The following EPC1 variants were observed in gnomAD, a reference collection of about 807,000 sequenced individuals.
EPC1 encodes enhancer of polycomb 1, also known as enhancer of polycomb homolog 1.
A neutral mutation model predicts 98.4 loss-of-function variants in EPC1; 12 were observed. That is an observed-to-expected ratio of 0.12 (90% CI 0.08 to 0.20). The LOEUF (loss-of-function observed/expected upper bound fraction) is 0.20, where lower values mean the gene tolerates loss of function less well. Ranked by LOEUF, EPC1 falls within the 10% of genes least tolerant of loss-of-function variation. The pLI, the probability that EPC1 is intolerant of heterozygous loss-of-function variation, is 1.00. For synonymous variants in EPC1, 357 were observed against 363.9 expected (o/e 0.98, Z 0.21); for missense variants, 729 against 990.5 (o/e 0.74, Z 3.54).
chr10:32,309,794 C>T (rs1836100257), intron 1 of EPC1, among the ~76,000 whole-genome samples: 1 of 149,520 alleles, frequency 6.7e-6, no homozygotes, highest in South Asian at 2.2e-4. Flanking sequence ...TATCAGGTTT[C>T]TCATTTATTT....
chr10:32,270,129 C>G (rs1011631534), intron 13 of EPC1, among the ~76,000 whole-genome samples: 1 of 152,100 alleles, frequency 6.6e-6, no homozygotes, highest in African/African-American at 2.4e-5. Flanking sequence ...CCTCTTTGCC[C>G]GAAGACTAAC....
At chr10:32,316,211 G>C (rs1271399337) in intron 1 of EPC1, among the ~76,000 whole-genome samples, 3 of 152,160 alleles carry the variant, frequency 2.0e-5, no homozygotes, top group Non-Finnish European at 4.4e-5. Context: ...CACATGATGG[G>C]GAGGATATGG....
chr10:32,325,543 A>G (rs1157692278), intron 1 of EPC1, among the ~76,000 whole-genome samples: 1 of 152,240 alleles, frequency 6.6e-6, no homozygotes, highest in Non-Finnish European at 1.5e-5. Context: ...TGAGGCTAAT[A>G]TAAACATCAC....
At chr10:32,273,729 G>A (rs191910616) in intron 10 of EPC1, among the ~76,000 whole-genome samples, 25 of 151,964 alleles carry the variant, frequency 1.6e-4, no homozygotes, top group Non-Finnish European at 2.6e-4. Context: ...ATCCCTAATG[G>A]CTCTGTGTAT....
Position 32,267,899 on chromosome 10 carries a change from T to G in EPC1, c.*1164A>C, listed in dbSNP as rs1001541012. The G allele has an allele frequency of 1.3e-5, 2 of 152,216 alleles. No individual in the cohort carries two copies. Among genetic ancestry groups the G allele is most frequent in the African/African-American group, 4.8e-5 (2 of 41,454 alleles). The allele number at this position is 152,216 out of a possible 1,614,324, so 9.4% of individuals were successfully genotyped here. On this transcript the variant is annotated 3_prime_UTR_variant, in exon 14 of 14. Coordinates refer to ENST00000319778, the MANE Select transcript of EPC1 (RefSeq NM_001272004.3). Reference sequence around the variant, plus strand: ...CTGACAAAGCACTAGTAGTAGTCTGTTAAGTACCATTCTCTTCACAGAAGA... The same window carrying G: ...CTGACAAAGCACTAGTAGTAGTCTGGTAAGTACCATTCTCTTCACAGAAGA...
intron 1 of EPC1, among the ~76,000 whole-genome samples, chr10:32,343,946 T>TA (rs894930011): frequency 4.9e-4 from 75 of 152,302 alleles, no homozygotes; most frequent in African/African-American, 1.7e-3. Flanking sequence ...AGGTGGTGTA[T>TA]AAAAAAACTG....
intron 1 of EPC1, among the ~76,000 whole-genome samples, chr10:32,337,989 C>T (rs764131741): frequency 6.6e-6 from 1 of 152,188 alleles, no homozygotes; most frequent in Non-Finnish European, 1.5e-5. Flanking sequence ...CTCTGAGTCC[C>T]AGAGCACAGC....
At chr10:32,345,306 T>C (rs1324934393) in intron 1 of EPC1, 1 of 985,304 alleles carries the variant, frequency 1.0e-6, no homozygotes, top group Non-Finnish European at 1.2e-6. Flanking sequence ...AAGTTAGATT[T>C]AAGACACTAC....
chr10:32,307,603 T>G (rs1328009350), intron 1 of EPC1, among the ~76,000 whole-genome samples: 1 of 152,214 alleles, frequency 6.6e-6, no homozygotes, highest in African/African-American at 2.4e-5. Context: ...TGGGAGCTGG[T>G]AGAAACTAAG....
chr10:32,347,289 C>G, upstream of EPC1: 1 of 870,860 alleles, frequency 1.1e-6, no homozygotes, highest in Non-Finnish European at 1.4e-6. Flanking sequence ...ACCCCCGGCA[C>G]CCGCCGGCCT....
intron 1 of EPC1, among the ~76,000 whole-genome samples, chr10:32,326,096 CA>C (rs1837258509): frequency 6.6e-6 from 1 of 152,158 alleles, no homozygotes; most frequent in South Asian, 2.1e-4. Context: ...AACAAAAGTA[CA>C]GTTAACACAC....
At chr10:32,378,637 C>T (rs1258770284) in exon 1 of EPC1, 1 of 568,098 alleles carries the variant, frequency 1.8e-6, no homozygotes, top group Non-Finnish European at 3.0e-6. Flanking sequence ...AAAAGTAATA[C>T]TTTCTTCCAT....
At chr10:32,360,894 C>CAAAA (rs34674243) in intron 1 of EPC1, among the ~76,000 whole-genome samples, 1 of 142,874 alleles carries the variant, frequency 7.0e-6, no homozygotes. Flanking sequence ...ACTCCATCTC[C>CAAAA]AAAAAAAAAA....
chr10:32,290,346 G>A (rs1445554554), intron 6 of EPC1, among the ~76,000 whole-genome samples: 2 of 151,754 alleles, frequency 1.3e-5, no homozygotes, highest in Non-Finnish European at 2.9e-5. Flanking sequence ...AGCCCAGCAT[G>A]GTGGCGCGTG....
chr10:32,290,586 T>C (rs1243450053), intron 6 of EPC1, among the ~76,000 whole-genome samples: 2 of 151,798 alleles, frequency 1.3e-5, no homozygotes, highest in Non-Finnish European at 2.9e-5. Flanking sequence ...TATGAATTAT[T>C]TCAATACTTC....
intron 1 of EPC1, among the ~76,000 whole-genome samples, chr10:32,352,403 G>A (rs369126661): frequency 3.3e-5 from 5 of 152,012 alleles, no homozygotes; most frequent in African/African-American, 9.6e-5. Flanking sequence ...ACTGTCTACC[G>A]AAATCCTATT....
chr10:32,311,283 A>T (rs1364448199), intron 1 of EPC1, among the ~76,000 whole-genome samples: 1 of 150,792 alleles, frequency 6.6e-6, no homozygotes, highest in East Asian at 2.0e-4. Flanking sequence ...GCTGCACTCC[A>T]GCCTGGGCGA....
chr10:32,326,691 A>T (rs1837299395), intron 1 of EPC1, among the ~76,000 whole-genome samples: 1 of 152,200 alleles, frequency 6.6e-6, no homozygotes, highest in Admixed American at 6.5e-5. Flanking sequence ...ATTTGGTAAA[A>T]GTCAGTTATA....
At position 32,284,879 on chromosome 10, in the gene EPC1, G is replaced by A. The variant is rs1247225463; in HGVS notation, c.1563C>T (p.Ile521=). 5 of 1,614,176 alleles carry A rather than the reference G, an allele frequency of 3.1e-6. No individual in the cohort carries two copies. The part of the protein sequence containing the change: ...SKDLSQILVN[I]KSCRWRHFRP... ...TAAAATGCCGCCATCTACATGATTT[G>A]ATATTGACTAGTATCTGACTGAGGT... Residue 521 remains isoleucine (I), a synonymous_variant, in exon 10 of 14, where the codon ATC becomes ATT. Coordinates refer to ENST00000319778, the MANE Select transcript of EPC1 (RefSeq NM_001272004.3).
Sources: allele counts gnomAD v4.1 joint callset (sites outside exome capture counted in the v4.1 genomes callset), GRCh38; gene constraint gnomAD v4.1.1; transcripts MANE v1.5; gene names NCBI Gene and HGNC (gene_info 2026-07-23, HGNC 2026-07-21).